Variants in DMD observed in about 807,000 individuals in gnomAD.
The protein encoded by DMD is mutant dystrophin.
Under a neutral mutation model 330.1 loss-of-function variants are expected in DMD, and 63 were observed. That is an observed-to-expected ratio of 0.19 (90% CI 0.16 to 0.24). The LOEUF is 0.24. Ranked by LOEUF, DMD falls within the 10% of genes least tolerant of loss-of-function variation. DMD has a pLI of 1.00. For missense variants in DMD, 3,344 were observed against 2,684.1 expected (o/e 1.25, Z -5.43); for synonymous variants, 1,223 against 959.8 (o/e 1.27, Z -5.07).
intron 63 of DMD, among the ~76,000 whole-genome samples, chrX:31,259,627 AG>A (rs1270100806): frequency 1.8e-5 from 2 of 112,150 alleles, no homozygotes; most frequent in African/African-American, 6.5e-5. Flanking sequence ...GGCTAGTATA[AG>A]TGACTTTGTT....
At chrX:31,482,908 C>T (rs2068424442) in intron 57 of DMD, among the ~76,000 whole-genome samples, 1 of 110,352 alleles carries the variant, frequency 9.1e-6, no homozygotes, top group African/African-American at 3.3e-5. Context: ...GATGTTAAAA[C>T]CAGAATAGTT....
chrX:31,209,795 T>C (rs914103214), intron 64 of DMD, 96 bp from the exon 65 acceptor site: 4 of 814,498 alleles, frequency 4.9e-6, no homozygotes, highest in African/African-American at 2.0e-5. Flanking sequence ...GACTCTCTCA[T>C]ACCCTTTAAT....
chrX:31,866,299 G>C (rs1411066590), intron 48 of DMD, among the ~76,000 whole-genome samples: 1 of 111,250 alleles, frequency 9.0e-6, no homozygotes, highest in Admixed American at 9.6e-5. Flanking sequence ...TGCCACTACT[G>C]GGGGCTCTGG....
intron 7 of DMD, among the ~76,000 whole-genome samples, chrX:32,708,299 G>A (rs868655722): frequency 3.5e-5 from 3 of 85,758 alleles, no homozygotes; most frequent in Non-Finnish European, 4.2e-5. Context: ...TTTTTTTTTT[G>A]AAAAAAATAT....
At chrX:32,808,708 A>C (rs2077127782) in intron 7 of DMD, among the ~76,000 whole-genome samples, 1 of 112,060 alleles carries the variant, frequency 8.9e-6, no homozygotes, top group Non-Finnish European at 1.9e-5. Context: ...GCTTCTACCC[A>C]AATATCATCT....
chrX:32,887,758 A>ACAAAAC (rs2084774606), intron 2 of DMD, among the ~76,000 whole-genome samples: 1 of 98,501 alleles, frequency 1.0e-5, no homozygotes, highest in Non-Finnish European at 2.0e-5. Context: ...AAAAAAAAAA[A>ACAAAAC]AAAAAAAAAA....
chrX:33,099,694 T>C (rs2095217572), intron 1 of DMD, among the ~76,000 whole-genome samples: 1 of 112,201 alleles, frequency 8.9e-6, no homozygotes, highest in African/African-American at 3.2e-5. Flanking sequence ...TCTCATTTCA[T>C]GTCGAGATTA....
At chrX:31,494,527 G>A (rs1471993696) in intron 57 of DMD, among the ~76,000 whole-genome samples, 1 of 111,633 alleles carries the variant, frequency 9.0e-6, no homozygotes, top group Admixed American at 9.5e-5. Context: ...ATCTGAGCAA[G>A]CACACTAACC....
intron 1 of DMD, among the ~76,000 whole-genome samples, chrX:33,151,994 A>C (rs1185594479): frequency 8.9e-6 from 1 of 111,926 alleles, no homozygotes. Context: ...AATTAGCAAA[A>C]AAATTAAAAT....
At chrX:32,560,936 T>C (rs1190574229) in intron 16 of DMD, among the ~76,000 whole-genome samples, 1 of 111,984 alleles carries the variant, frequency 8.9e-6, no homozygotes, top group African/African-American at 3.2e-5. Context: ...ATGATTTATA[T>C]TCCTTTGGGT....
intron 44 of DMD, among the ~76,000 whole-genome samples, chrX:32,048,236 C>T (rs951093552): frequency 2.9e-5 from 3 of 103,208 alleles, no homozygotes; most frequent in African/African-American, 1.1e-4. Flanking sequence ...ATAAAACGTA[C>T]AGAAATTTAA....
At chrX:31,686,235 A>C (rs749528735) in intron 52 of DMD, among the ~76,000 whole-genome samples, 12 of 112,585 alleles carry the variant, frequency 1.1e-4, no homozygotes, top group Admixed American at 2.8e-4. Context: ...CCTTCAATAA[A>C]TGTCTGTCAA....
chrX:32,244,215 G>A (rs2097221489), intron 43 of DMD, among the ~76,000 whole-genome samples: 1 of 104,013 alleles, frequency 9.6e-6, no homozygotes, highest in African/African-American at 3.5e-5. Context: ...GCAGTGTTTG[G>A]TTTTTTGTTC....
intron 55 of DMD, among the ~76,000 whole-genome samples, chrX:31,601,533 A>T (rs979236952): frequency 9.0e-6 from 1 of 111,450 alleles, no homozygotes; most frequent in Middle Eastern, 4.2e-3. Context: ...AGTTATAAGT[A>T]TAAAGTCAGC....
intron 40 of DMD, chrX:32,342,716 CAG>C (rs2097749926): frequency 3.8e-6 from 1 of 262,929 alleles, no homozygotes; most frequent in South Asian, 4.2e-5. Flanking sequence ...AAAATAATAA[CAG>C]AAAAAAACAT....
chrX:32,103,747 C>A (rs750191085), intron 44 of DMD, among the ~76,000 whole-genome samples: 1 of 112,119 alleles, frequency 8.9e-6, no homozygotes, highest in African/African-American at 3.2e-5. Context: ...GTAAACACTG[C>A]TAAGTTGAGA....
intron 42 of DMD, among the ~76,000 whole-genome samples, chrX:32,306,078 T>C (rs2097539213): frequency 9.2e-6 from 1 of 109,256 alleles, no homozygotes; most frequent in Non-Finnish European, 1.9e-5. Context: ...ACGTATCACC[T>C]AGTAATACGC....
At chrX:31,972,379 T>G (rs941602972) in intron 44 of DMD, among the ~76,000 whole-genome samples, 1 of 111,619 alleles carries the variant, frequency 9.0e-6, no homozygotes, top group Admixed American at 9.5e-5. Flanking sequence ...ACCACTACCT[T>G]TTCTATGAAA....
chrX:32,482,431 A>ACT (rs1160529097), intron 21 of DMD, among the ~76,000 whole-genome samples: 2 of 111,287 alleles, frequency 1.8e-5, no homozygotes, highest in Non-Finnish European at 1.9e-5. Context: ...GGCTTCTTTC[A>ACT]CTCAGCATAA....
Sources: gnomAD v4.1 joint callset for allele counts (sites outside exome capture counted in the v4.1 genomes callset) on GRCh38, gnomAD v4.1.1 for gene constraint, MANE v1.5 for transcripts, NCBI Gene and HGNC (gene_info 2026-07-23, HGNC 2026-07-21) for gene names.